Variants in DYNC1I1 observed in about 807,000 individuals in gnomAD.
DYNC1I1 encodes the protein dynein cytoplasmic 1 intermediate chain 1.
DYNC1I1 carries 43 observed loss-of-function variants against 86.6 expected under a neutral mutation model. The observed-to-expected ratio is 0.50, with a 90% confidence interval of 0.39 to 0.64. The LOEUF (loss-of-function observed/expected upper bound fraction) is 0.64. Among genes scored for constraint, DYNC1I1 ranks in the 30% least tolerant of loss-of-function variants. The pLI is 0.00. For missense variants in DYNC1I1, 604 were observed against 788.8 expected (o/e 0.77, Z 2.81); for synonymous variants, 262 against 283.7 (o/e 0.92, Z 0.77).
intron 14 of DYNC1I1, among the ~76,000 whole-genome samples, chr7:96,061,717 CACACACACACACACACACGCACACAA>C: frequency 6.8e-6 from 1 of 146,572 alleles, no homozygotes; most frequent in African/African-American, 2.6e-5. Flanking sequence ...CTCTCTCACA[CACACACACACACACACACGCACACAA>C]ACACACACAC....
intron 10 of DYNC1I1, among the ~76,000 whole-genome samples, chr7:96,012,529 A>T (rs1052804198): frequency 6.6e-6 from 1 of 152,212 alleles, no homozygotes; most frequent in Non-Finnish European, 1.5e-5. Flanking sequence ...ATTATATTCT[A>T]TCAGGTGAAA....
intron 1 of DYNC1I1, among the ~76,000 whole-genome samples, chr7:95,804,003 C>T (rs1200431054): frequency 6.6e-6 from 1 of 151,970 alleles, no homozygotes; most frequent in Non-Finnish European, 1.5e-5. Context: ...TGTTATCTCC[C>T]GTTTCATGTG....
chr7:95,875,101 G>A lies in DYNC1I1; in HGVS notation c.490+5103G>A, dbSNP rs371914701. 7.9e-5 allele frequency among the ~76,000 whole-genome samples: 12 copies of A among 152,334 alleles called. No homozygotes were observed. In the East Asian group the frequency reaches 2.1e-3, roughly 27 times the overall value. On this transcript the variant is annotated intron_variant, in intron 6 of 16. Coordinates refer to ENST00000447467, the MANE Select transcript of DYNC1I1 (RefSeq NM_001135556.2). ...TAGGTTACATGCCCCTGTGTCAGCT[G>A]TGAGGGACAAGGCAGAGAAATAACT...
chr7:95,803,776 C>T (rs992896206), intron 1 of DYNC1I1, among the ~76,000 whole-genome samples: 3 of 152,008 alleles, frequency 2.0e-5, no homozygotes, highest in Non-Finnish European at 4.4e-5. Flanking sequence ...GAAATTTGGG[C>T]GAGGGCAGCT....
At chr7:95,784,097 C>A (rs1842104) in intron 1 of DYNC1I1, among the ~76,000 whole-genome samples, 7 of 152,102 alleles carry the variant, frequency 4.6e-5, no homozygotes, top group Non-Finnish European at 1.0e-4. Flanking sequence ...TGGAAGACTT[C>A]CCTTCCTGAA....
intron 6 of DYNC1I1, among the ~76,000 whole-genome samples, chr7:95,960,131 A>C (rs1792827506): frequency 6.6e-6 from 1 of 152,086 alleles, no homozygotes; most frequent in East Asian, 1.9e-4. Flanking sequence ...TTTGAGACGG[A>C]GTTTTGCTCT....
chr7:96,061,487 A>G (rs561025339), intron 14 of DYNC1I1, among the ~76,000 whole-genome samples: 21 of 152,006 alleles, frequency 1.4e-4, no homozygotes, highest in Non-Finnish European at 2.6e-4. Context: ...GTTCTTAAGA[A>G]CTGGAGCTTT....
intron 10 of DYNC1I1, among the ~76,000 whole-genome samples, chr7:95,998,683 A>T (rs1164679151): frequency 6.6e-6 from 1 of 152,254 alleles, no homozygotes; most frequent in East Asian, 1.9e-4. Context: ...GAGTAGCAAG[A>T]GTACCTTATG....
chr7:95,944,681 A>T (rs1479235210), intron 6 of DYNC1I1, among the ~76,000 whole-genome samples: 4 of 152,186 alleles, frequency 2.6e-5, no homozygotes, highest in Non-Finnish European at 5.9e-5. Flanking sequence ...ACACCATGGA[A>T]TACTATGCAG....
At chr7:96,023,553 G>T (rs1410676453) in intron 10 of DYNC1I1, among the ~76,000 whole-genome samples, 1 of 152,192 alleles carries the variant, frequency 6.6e-6, no homozygotes, top group African/African-American at 2.4e-5. Flanking sequence ...ACGGGTCTGG[G>T]CTAACTTGAA....
chr7:95,797,433 C>A (rs991959509), intron 1 of DYNC1I1, among the ~76,000 whole-genome samples: 3 of 152,238 alleles, frequency 2.0e-5, no homozygotes, highest in South Asian at 4.1e-4. Flanking sequence ...TTTATGTCAC[C>A]TAAAGACTTC....
In DYNC1I1 at chr7:95,782,892, G is replaced by A. The variant is rs572855064; in HGVS notation, c.-10+10119G>A. 2.0e-5 allele frequency among the ~76,000 whole-genome samples: 3 copies of A among 152,194 alleles called. No individual in the cohort carries two copies. The South Asian group carries it at 6.2e-4, about 32-fold the overall frequency. ...GTCAGCTCTCTGACCTTCCCCAGCC[G>A]AACTCCTCTCGATGTTCAGATGTCC... On this transcript the variant is annotated intron_variant, in intron 1 of 16. Coordinates refer to ENST00000447467, the MANE Select transcript of DYNC1I1 (RefSeq NM_001135556.2).
chr7:95,774,789 T>C (rs1793799882), intron 1 of DYNC1I1, among the ~76,000 whole-genome samples: 1 of 152,204 alleles, frequency 6.6e-6, no homozygotes, highest in African/African-American at 2.4e-5. Flanking sequence ...AACAGCGATG[T>C]AGACCAGTCT....
chr7:96,013,365 C>T (rs1192209444), intron 10 of DYNC1I1, among the ~76,000 whole-genome samples: 3 of 152,096 alleles, frequency 2.0e-5, no homozygotes, highest in Non-Finnish European at 4.4e-5. Context: ...ACTGTCTACC[C>T]CTCGATTTTA....
chr7:95,871,952 G>A (rs1235573641), intron 6 of DYNC1I1, among the ~76,000 whole-genome samples: 1 of 152,238 alleles, frequency 6.6e-6, no homozygotes, highest in Non-Finnish European at 1.5e-5. Flanking sequence ...TGACATTTAA[G>A]CAATCCTGGA....
At chr7:96,091,158 T>C (rs1790832041) in intron 16 of DYNC1I1, among the ~76,000 whole-genome samples, 1 of 152,164 alleles carries the variant, frequency 6.6e-6, no homozygotes, top group Admixed American at 6.5e-5. Flanking sequence ...TAATTGTCCT[T>C]TTTAAAAGGC....
chr7:96,106,516 C>G (rs529208281), intron 16 of DYNC1I1, among the ~76,000 whole-genome samples: 4 of 151,598 alleles, frequency 2.6e-5, no homozygotes, highest in Non-Finnish European at 5.9e-5. Context: ...GCCTGGGCAA[C>G]AAGAGCGAAA....
intron 13 of DYNC1I1, 66 bp downstream of exon 13, chr7:96,035,818 G>A: frequency 6.3e-7 from 1 of 1,586,042 alleles, no homozygotes; most frequent in Non-Finnish European, 8.5e-7. Context: ...TCACATTCTG[G>A]ATTTTAACCA....
intron 11 of DYNC1I1, among the ~76,000 whole-genome samples, chr7:96,028,538 G>A (rs1287923120): frequency 6.6e-6 from 1 of 152,172 alleles, no homozygotes; most frequent in East Asian, 1.9e-4. Context: ...CTAGCATGTA[G>A]GGAGGATCTC....
Sources: gnomAD v4.1 joint callset for allele counts (sites outside exome capture counted in the v4.1 genomes callset) on GRCh38, gnomAD v4.1.1 for gene constraint, MANE v1.5 for transcripts, NCBI Gene and HGNC (gene_info 2026-07-23, HGNC 2026-07-21) for gene names.